The following ZFHX4 variants were observed in gnomAD, a reference collection of about 807,000 sequenced individuals.
ZFHX4 encodes the protein zinc finger homeobox protein 4.
ZFHX4 carries 56 observed loss-of-function variants against 267.6 expected under a neutral mutation model. The ratio of observed to expected loss-of-function variants is 0.21; its 90% CI spans 0.17 to 0.26. The LOEUF (loss-of-function observed/expected upper bound fraction) is 0.26, where lower values mean the gene tolerates loss of function less well. Ranked by LOEUF, ZFHX4 falls within the 10% of genes least tolerant of loss-of-function variation. The pLI, the probability that ZFHX4 is intolerant of heterozygous loss-of-function variation, is 1.00. For synonymous variants in ZFHX4, 1,778 were observed against 1,665.6 expected (o/e 1.07, Z -1.64); for missense variants, 4,332 against 4,420.0 (o/e 0.98, Z 0.56).
At chr8:76,809,094 C>T (rs759181103) in intron 4 of ZFHX4, among the ~76,000 whole-genome samples, 1 of 152,110 alleles carries the variant, frequency 6.6e-6, no homozygotes, top group Non-Finnish European at 1.5e-5. Flanking sequence ...ATACCCGTAT[C>T]ACTCAAACAT....
At chr8:76,725,872 T>A (rs1808839151) in intron 3 of ZFHX4, among the ~76,000 whole-genome samples, 3 of 152,158 alleles carry the variant, frequency 2.0e-5, no homozygotes, top group Non-Finnish European at 4.4e-5. Context: ...TTAATACCAG[T>A]TAGCAAGGAC....
intron 4 of ZFHX4, among the ~76,000 whole-genome samples, chr8:76,810,605 G>A (rs1338053930): frequency 6.6e-6 from 1 of 152,168 alleles, no homozygotes; most frequent in Non-Finnish European, 1.5e-5. Flanking sequence ...CACGTTAGAA[G>A]GGTGTGTGTG....
intron 4 of ZFHX4, among the ~76,000 whole-genome samples, chr8:76,806,312 G>GT (rs1379675841): frequency 2.0e-5 from 3 of 152,080 alleles, no homozygotes; most frequent in African/African-American, 7.2e-5. Context: ...TGAGATGGCC[G>GT]TATGAAATTC....
rs770066236 is a variant in ZFHX4, at chr8:76,856,033, A to T, written c.9112A>T (p.Thr3038Ser). The T allele has an allele frequency of 6.2e-7, 1 of 1,613,914 alleles. No individual in the cohort carries two copies. The highest frequency in any genetic ancestry group is 8.5e-7 in the Non-Finnish European group (1 of 1,179,868). ...ACAGCACATTTCAAAAGTGAGGGAGACCGTTGGCAGTCAGCTCGATCGGGA... is the reference window on the plus strand; with the variant it reads ...ACAGCACATTTCAAAAGTGAGGGAGTCCGTTGGCAGTCAGCTCGATCGGGA... ...SKQHISKVRE[T>S]VGSQLDREKD... Residue 3038 changes from threonine (T) to serine (S), a missense_variant, in exon 10 of 11, where the codon ACC becomes TCC. Physicochemically the swap from Thr to Ser is moderately conservative, Grantham distance 58. Coordinates refer to ENST00000651372, the MANE Select transcript of ZFHX4 (RefSeq NM_024721.5).
chr8:76,707,495 G>A, intron 2 of ZFHX4, 51 bp from the exon 3 acceptor site: 2 of 1,417,678 alleles, frequency 1.4e-6, no homozygotes, highest in Non-Finnish European at 9.3e-7. Flanking sequence ...TCCTTTGTGT[G>A]TGCTGTGTTT....
At chr8:76,798,894 G>A (rs943182911) in intron 4 of ZFHX4, among the ~76,000 whole-genome samples, 4 of 152,090 alleles carry the variant, frequency 2.6e-5, no homozygotes, top group Non-Finnish European at 5.9e-5. Flanking sequence ...ACTTACAGCA[G>A]ATAGAGCAAA....
intron 4 of ZFHX4, among the ~76,000 whole-genome samples, chr8:76,794,175 A>G (rs1419558358): frequency 6.6e-6 from 1 of 152,122 alleles, no homozygotes; most frequent in Non-Finnish European, 1.5e-5. Context: ...GAAAAGACTC[A>G]ATTTTAGGCA....
intron 4 of ZFHX4, among the ~76,000 whole-genome samples, chr8:76,786,029 A>T (rs1285969106): frequency 6.6e-6 from 1 of 152,110 alleles, no homozygotes; most frequent in Admixed American, 6.6e-5. Flanking sequence ...TAACGTGGAT[A>T]TTATTTTATT....
chr8:76,745,409 A>G (rs1377164162), intron 3 of ZFHX4, among the ~76,000 whole-genome samples: 1 of 152,188 alleles, frequency 6.6e-6, no homozygotes, highest in Non-Finnish European at 1.5e-5. Context: ...TTCTTGGAGG[A>G]TTGATTTAAA....
At chr8:76,738,497 A>G (rs920554816) in intron 3 of ZFHX4, among the ~76,000 whole-genome samples, 4 of 152,178 alleles carry the variant, frequency 2.6e-5, no homozygotes, top group Non-Finnish European at 5.9e-5. Flanking sequence ...ACTGAACCAA[A>G]GCCACCGATT....
At chr8:76,771,879 G>A (rs1461529272) in intron 3 of ZFHX4, among the ~76,000 whole-genome samples, 1 of 152,134 alleles carries the variant, frequency 6.6e-6, no homozygotes, top group Non-Finnish European at 1.5e-5. Flanking sequence ...TAGATAGTAG[G>A]GAAGAGAAAG....
intron 3 of ZFHX4, among the ~76,000 whole-genome samples, chr8:76,756,374 A>T (rs201332191): frequency 6.6e-6 from 1 of 152,076 alleles, no homozygotes; most frequent in African/African-American, 2.4e-5. Context: ...TTTGTTCAAG[A>T]CACATTTTTT....
At chr8:76,862,204 CA>C (rs1554576858) in intron 10 of ZFHX4, among the ~76,000 whole-genome samples, 4 of 152,144 alleles carry the variant, frequency 2.6e-5, no homozygotes, top group Non-Finnish European at 5.9e-5. Flanking sequence ...GTACTTGAAA[CA>C]AAGCAAAGAT....
chr8:76,752,364 A>G (rs1010536155), intron 3 of ZFHX4, among the ~76,000 whole-genome samples: 2 of 151,548 alleles, frequency 1.3e-5, no homozygotes, highest in South Asian at 2.1e-4. Flanking sequence ...CATATGGGCC[A>G]GGTGCAGTGG....
At chr8:76,784,222 A>C (rs28542309) in intron 4 of ZFHX4, among the ~76,000 whole-genome samples, 2,112 of 151,732 alleles carry the variant, frequency 0.014, 48 homozygotes, top group African/African-American at 0.047. Flanking sequence ...GTTTTATTTT[A>C]TTTTATTTTA....
chr8:76,863,359 C>G lies in ZFHX4; in HGVS notation c.9645C>G (p.His3215Gln). 1 of 1,613,834 alleles carries G rather than the reference C, an allele frequency of 6.2e-7. No individual in the cohort carries two copies. ...TAGAGGCCACCAAACCCGAAAAACA[C>G]CCCAAAAAAGAGGAAAAAATCTCAT... Reference protein sequence around the residue: ...EELEATKPEKHPKKEEKISSA... With the variant: ...EELEATKPEKQPKKEEKISSA... The change falls in exon 11 of 11, where the codon CAC becomes CAG. Residue 3215 changes from histidine to glutamine, a missense_variant. By Grantham distance (24) the His-to-Gln change is conservative. Around this residue, in one of 7 missense-constraint regions of ZFHX4, gnomAD observed 1,648 missense variants for 1,625.0 expected, o/e 1.01. Coordinates refer to ENST00000651372, the MANE Select transcript of ZFHX4 (RefSeq NM_024721.5).
intron 4 of ZFHX4, among the ~76,000 whole-genome samples, chr8:76,792,335 C>T (rs574431006): frequency 6.6e-6 from 1 of 152,274 alleles, no homozygotes; most frequent in South Asian, 2.1e-4. Flanking sequence ...AATTAGTGAG[C>T]TGTGCAGGTG....
At chr8:76,802,607 T>C (rs1382139029) in intron 4 of ZFHX4, among the ~76,000 whole-genome samples, 3 of 152,182 alleles carry the variant, frequency 2.0e-5, no homozygotes, top group Non-Finnish European at 4.4e-5. Flanking sequence ...ATGGTTTAAC[T>C]GGGGCATTCC....
intron 3 of ZFHX4, among the ~76,000 whole-genome samples, chr8:76,765,288 G>A (rs976124778): frequency 7.2e-5 from 11 of 152,034 alleles, no homozygotes; most frequent in African/African-American, 2.7e-4. Flanking sequence ...CAGAAAGCAC[G>A]ATTTTAAAAA....
Sources: allele counts gnomAD v4.1 joint callset (sites outside exome capture counted in the v4.1 genomes callset), GRCh38; gene constraint gnomAD v4.1.1; regional missense constraint gnomAD v4.1.1; transcripts MANE v1.5; gene names NCBI Gene and HGNC (gene_info 2026-07-23, HGNC 2026-07-21).